The following NLGN4X variants were observed in gnomAD, a reference collection of about 807,000 sequenced individuals.
NLGN4X encodes neuroligin 4 X-linked.
Under a neutral mutation model 40.3 loss-of-function variants are expected in NLGN4X, and 3 were observed. The observed-to-expected ratio is 0.07, with a 90% confidence interval of 0.03 to 0.19. The LOEUF is 0.19. Ranked by LOEUF, NLGN4X falls within the 10% of genes least tolerant of loss-of-function variation. NLGN4X has a pLI of 1.00. For missense variants in NLGN4X, 382 were observed against 708.3 expected, an observed-to-expected ratio of 0.54 and a Z score of 5.23; for synonymous variants, 270 against 306.8, an observed-to-expected ratio of 0.88 and a Z score of 1.25.
At position 5,890,141 on chromosome X, in the gene NLGN4X, T is replaced by TA. The variant is rs2146670525; in HGVS notation, c.*2675dup. Reference sequence around the variant, plus strand: ...TCTTCTATCATTACTTAAGGCAAAATAAAAAACAAAACTGCAAAATAATAA... The same window carrying TA: ...TCTTCTATCATTACTTAAGGCAAAATAAAAAAACAAAACTGCAAAATAATAA... On this transcript the variant is annotated 3_prime_UTR_variant, in exon 6 of 6. Coordinates refer to ENST00000381095, the MANE Select transcript of NLGN4X (RefSeq NM_181332.3). 4.9e-6 allele frequency: 1 copy of TA among 205,872 alleles called. No homozygotes were observed. Among genetic ancestry groups the TA allele is most frequent in the Non-Finnish European group, 8.7e-6 (1 of 114,552 alleles). 17.0% of individuals were successfully genotyped at this position (205,872 alleles called of 1,213,427 possible).
chrX:5,998,670 C>A (rs1168945257), intron 3 of NLGN4X, among the ~76,000 whole-genome samples: 1 of 111,866 alleles, frequency 8.9e-6, no homozygotes, highest in East Asian at 2.8e-4. Flanking sequence ...TTTTTTCCAA[C>A]AGCTAAAATG....
intron 3 of NLGN4X, among the ~76,000 whole-genome samples, chrX:6,015,630 T>G (rs1329999097): frequency 9.0e-6 from 1 of 111,532 alleles, no homozygotes; most frequent in East Asian, 2.8e-4. Flanking sequence ...CATTCCTGAG[T>G]CAGCAATTGA....
chrX:6,036,610 GCACACACACA>G (rs55801725), intron 2 of NLGN4X, among the ~76,000 whole-genome samples: 6 of 93,560 alleles, frequency 6.4e-5, no homozygotes, highest in East Asian at 3.4e-4. Context: ...TGTGGCTGGC[GCACACACACA>G]CACACACACA....
chrX:6,209,452 G>C (rs1924363268), intron 1 of NLGN4X, among the ~76,000 whole-genome samples: 1 of 111,151 alleles, frequency 9.0e-6, no homozygotes, highest in Non-Finnish European at 1.9e-5. Context: ...ATACCATTCA[G>C]CATCACGCAA....
At chrX:6,108,465 G>A (rs747474751) in intron 2 of NLGN4X, among the ~76,000 whole-genome samples, 1 of 111,097 alleles carries the variant, frequency 9.0e-6, no homozygotes, top group East Asian at 2.8e-4. Flanking sequence ...AGGAGTTCAA[G>A]AGCAGCCTGG....
rs753853007 is a variant in NLGN4X, at chrX:5,903,066, G to T, written c.1601+11C>A. 2 of 1,211,543 alleles carry T rather than the reference G, an allele frequency of 1.7e-6. No homozygotes were observed. The highest frequency in any genetic ancestry group is 2.2e-6 in the Non-Finnish European group (2 of 895,011). On this transcript the variant is annotated intron_variant, in intron 5 of 5. Transcript: ENST00000381095. ...AAGGATAGTGATACCCCAACACGAA[G>T]ATGAACGTACCCAGTTTTGGCGAAG...
At chrX:5,932,765 T>C (rs899714693) in intron 3 of NLGN4X, among the ~76,000 whole-genome samples, 1 of 110,657 alleles carries the variant, frequency 9.0e-6, no homozygotes, top group African/African-American at 3.3e-5. Flanking sequence ...TGGATGACTT[T>C]GTTAGAGATA....
At chrX:5,919,672 C>A (rs998194721) in intron 3 of NLGN4X, among the ~76,000 whole-genome samples, 1 of 111,514 alleles carries the variant, frequency 9.0e-6, no homozygotes, top group African/African-American at 3.3e-5. Flanking sequence ...CTACTGTGAA[C>A]TGCACATGTG....
At chrX:5,995,424 C>T (rs1277457737) in intron 3 of NLGN4X, among the ~76,000 whole-genome samples, 2 of 112,513 alleles carry the variant, frequency 1.8e-5, no homozygotes, top group Non-Finnish European at 1.9e-5. Flanking sequence ...AGCAACGAAG[C>T]CATATGACTA....
At chrX:6,049,844 A>T (rs1450850683) in intron 2 of NLGN4X, among the ~76,000 whole-genome samples, 1 of 111,338 alleles carries the variant, frequency 9.0e-6, no homozygotes, top group Non-Finnish European at 1.9e-5. Context: ...AGGGTATGTT[A>T]TCATCATTGT....
At chrX:6,158,139 C>T (rs11094994) in intron 1 of NLGN4X, among the ~76,000 whole-genome samples, 28,275 of 110,989 alleles carry the variant, frequency 0.25, 2,629 homozygotes, top group Admixed American at 0.29. Flanking sequence ...TTGTGTTCAT[C>T]TCTCTCACCG....
chrX:5,978,923 G>A (rs1209648879), intron 3 of NLGN4X, among the ~76,000 whole-genome samples: 2 of 110,902 alleles, frequency 1.8e-5, no homozygotes, highest in Admixed American at 1.9e-4. Flanking sequence ...GTGAGCCGAG[G>A]TTGTGCCACT....
At chrX:6,157,234 T>A (rs1273082628) in intron 1 of NLGN4X, among the ~76,000 whole-genome samples, 1 of 111,917 alleles carries the variant, frequency 8.9e-6, no homozygotes, top group Non-Finnish European at 1.9e-5. Context: ...CCACTGAAGT[T>A]TAATGGGTCA....
chrX:6,202,496 CCTGA>C (rs1269760322), intron 1 of NLGN4X, among the ~76,000 whole-genome samples: 1 of 109,076 alleles, frequency 9.2e-6, no homozygotes, highest in Admixed American at 9.8e-5. Context: ...TGCTGCCATG[CCTGA>C]CTAATTTTTG....
At chrX:6,133,999 C>G (rs1464297599) in intron 2 of NLGN4X, among the ~76,000 whole-genome samples, 1 of 111,397 alleles carries the variant, frequency 9.0e-6, no homozygotes, top group Non-Finnish European at 1.9e-5. Context: ...CCATTAAACC[C>G]TTCACAAAAA....
chrX:6,021,089 T>C (rs868208138), intron 3 of NLGN4X, among the ~76,000 whole-genome samples: 58 of 47,843 alleles, frequency 1.2e-3, no homozygotes, highest in Non-Finnish European at 1.8e-3. Context: ...TCTCTCTCTC[T>C]CTCCCCCTCT....
chrX:5,961,498 T>C (rs888184180), intron 3 of NLGN4X, among the ~76,000 whole-genome samples: 1 of 112,115 alleles, frequency 8.9e-6, no homozygotes, highest in Non-Finnish European at 1.9e-5. Flanking sequence ...CAGAAAACCT[T>C]GCACAGGTTG....
rs1344466170 is a variant in NLGN4X at position 5,892,870 on chromosome X, C to T, written c.2398G>A (p.Gly800Arg). Residue 800 changes from glycine to arginine, a missense_variant, in exon 6 of 6, where the codon GGA (glycine) becomes AGA (arginine). Physicochemically the swap from Gly to Arg is moderately radical, Grantham distance 125 (BLOSUM62 -2). Transcript: ENST00000381095. The stretch of plus-strand genomic sequence containing the variant: ...GGTAAATTTGTACTGTTTTGTCCTC[C>T]ACTGAAGGTGTTAAAAGTGTGCAAA... ...QPLHTFNTFS[G>R]GQNSTNLPHG... The T allele has an allele frequency of 2.5e-6, 3 of 1,209,248 alleles. No homozygotes were observed. In the African/African-American group the frequency reaches 5.3e-5, roughly 21 times the overall value.
intron 3 of NLGN4X, among the ~76,000 whole-genome samples, chrX:5,935,195 TAA>T (rs1445700824): frequency 1.8e-5 from 2 of 112,260 alleles, no homozygotes; most frequent in African/African-American, 6.5e-5. Context: ...ATTTGAAAGT[TAA>T]GTTATTTAAT....
Sources: allele counts gnomAD v4.1 joint callset (sites outside exome capture counted in the v4.1 genomes callset), GRCh38; gene constraint gnomAD v4.1.1; transcripts MANE v1.5; gene names NCBI Gene and HGNC (gene_info 2026-07-23, HGNC 2026-07-21).